The following R3HDM2 variants were observed in gnomAD, a reference collection of about 807,000 sequenced individuals.
R3HDM2 encodes R3H domain-containing protein 2.
Under a neutral mutation model 124.5 loss-of-function variants are expected in R3HDM2, and 38 were observed. That is an observed-to-expected ratio of 0.31 (90% CI 0.24 to 0.40). The LOEUF (loss-of-function observed/expected upper bound fraction) is 0.40. Ranked by LOEUF, R3HDM2 falls within the 10% of genes least tolerant of loss-of-function variation. R3HDM2 has a pLI of 1.00. For synonymous variants in R3HDM2, 391 were observed against 448.0 expected (o/e 0.87, Z 1.61); for missense variants, 869 against 1,236.9 (o/e 0.70, Z 4.46).
intron 2 of R3HDM2, among the ~76,000 whole-genome samples, chr12:57,333,478 T>G (rs1457886878): frequency 6.6e-6 from 1 of 151,746 alleles, no homozygotes; most frequent in Non-Finnish European, 1.5e-5. Flanking sequence ...TCACCTAATG[T>G]CAGGAGTTTG....
intron 3 of R3HDM2, 140 bp from the exon 4 acceptor site, chr12:57,303,357 G>A (rs1353099640): frequency 9.6e-6 from 7 of 726,946 alleles, no homozygotes; most frequent in Admixed American, 4.8e-5. Context: ...CACTTGATGT[G>A]GGTTTCTCCC....
chr12:57,269,210 C>A (rs866485204), intron 16 of R3HDM2, 113 bp downstream of exon 16: 1 of 1,545,574 alleles, frequency 6.5e-7, no homozygotes, highest in South Asian at 1.2e-5. Flanking sequence ...TCTTAGGACC[C>A]TAATCATTCC....
chr12:57,258,024 GA>G lies in R3HDM2; in HGVS notation c.2414del (p.Leu805ProfsTer50). Reference sequence around the variant, plus strand: ...GACCCCCAGGCCGGGGGAACTGTGTGAGGACAGGCAGGGGACTGAGTCCTGT... The same window carrying G: ...GACCCCCAGGCCGGGGGAACTGTGTGGGACAGGCAGGGGACTGAGTCCTGT... ...VCTGLSPLPV[L>X]TQFPRPGGPA... On this transcript the variant is annotated frameshift_variant, in exon 21 of 24. Coordinates refer to ENST00000402412, the MANE Select transcript of R3HDM2 (RefSeq NM_001394031.1). LOFTEE classifies it high-confidence loss of function. 1 of 1,587,056 alleles carries G rather than the reference GA, an allele frequency of 6.3e-7. No individual in the cohort carries two copies. Among genetic ancestry groups the G allele is most frequent in the Non-Finnish European group, 8.6e-7 (1 of 1,161,500 alleles).
intron 13 of R3HDM2, among the ~76,000 whole-genome samples, chr12:57,281,157 G>A (rs2046024632): frequency 1.3e-5 from 2 of 151,656 alleles, no homozygotes; most frequent in Admixed American, 1.3e-4. Flanking sequence ...CTTGAGGGTG[G>A]GCGCCTGTAA....
At chr12:57,386,269 C>G (rs535332874) in intron 2 of R3HDM2, among the ~76,000 whole-genome samples, 6 of 152,122 alleles carry the variant, frequency 3.9e-5, no homozygotes, top group Non-Finnish European at 7.4e-5. Context: ...CTGGGCTCGC[C>G]GAGGCGGGAG....
chr12:57,269,234 A>G, intron 16 of R3HDM2, 89 bp downstream of exon 16: 4 of 1,570,160 alleles, frequency 2.5e-6, no homozygotes, highest in Non-Finnish European at 3.5e-6. Flanking sequence ...CCCTAGACCC[A>G]CCTTCATTTT....
At chr12:57,314,278 G>A (rs757666162) in intron 2 of R3HDM2, among the ~76,000 whole-genome samples, 53 of 151,886 alleles carry the variant, frequency 3.5e-4, no homozygotes, top group Non-Finnish European at 2.5e-4. Context: ...TCAGGAGTTA[G>A]AGACCAGCCT....
intron 1 of R3HDM2, among the ~76,000 whole-genome samples, chr12:57,400,133 G>T (rs1200715754): frequency 6.6e-6 from 1 of 152,160 alleles, no homozygotes; most frequent in African/African-American, 2.4e-5. Flanking sequence ...ACATGGACAT[G>T]TATGTTTATT....
chr12:57,255,413 G>A (rs2038653331), intron 23 of R3HDM2, among the ~76,000 whole-genome samples: 1 of 152,198 alleles, frequency 6.6e-6, no homozygotes, highest in Non-Finnish European at 1.5e-5. Context: ...CTCACAAGGT[G>A]CTACTGCTAT....
chr12:57,318,283 C>T (rs2055615491), intron 2 of R3HDM2, among the ~76,000 whole-genome samples: 2 of 151,938 alleles, frequency 1.3e-5, no homozygotes, highest in South Asian at 4.1e-4. Flanking sequence ...AAAGGCAAGA[C>T]TCTGTCTCAA....
Position 57,254,308 on chromosome 12 carries a change from C to T in R3HDM2, c.*465G>A. The stretch of plus-strand genomic sequence containing the variant: ...CTGAGGTCAGGAGTTTGAGGCCAGC[C>T]TGGCCAACATGGTGAAACTCCGTCT... On this transcript the variant is annotated 3_prime_UTR_variant, in exon 24 of 24. Coordinates refer to ENST00000402412, the MANE Select transcript of R3HDM2 (RefSeq NM_001394031.1). 2.3e-6 allele frequency: 1 copy of T among 431,868 alleles called. No individual in the cohort carries two copies. The highest frequency in any genetic ancestry group is 4.5e-6 in the Non-Finnish European group (1 of 219,986). The allele number at this position is 431,868 out of a possible 1,614,324, so 26.8% of individuals were successfully genotyped here. A position where few individuals can be genotyped will look rare whatever the true frequency, so the allele number is the denominator to read the frequency against.
chr12:57,402,833 A>G (rs757416264), intron 1 of R3HDM2, among the ~76,000 whole-genome samples: 1 of 152,190 alleles, frequency 6.6e-6, no homozygotes, highest in Non-Finnish European at 1.5e-5. Context: ...CTGGGATTAC[A>G]GACATAAGCT....
chr12:57,301,998 T>C (rs763748989), intron 4 of R3HDM2, among the ~76,000 whole-genome samples: 1 of 152,214 alleles, frequency 6.6e-6, no homozygotes, highest in Non-Finnish European at 1.5e-5. Context: ...AGCATTAGGT[T>C]AGCTGAGTGC....
intron 1 of R3HDM2, chr12:57,415,179 T>C (rs987350952): frequency 6.6e-6 from 1 of 152,152 alleles, no homozygotes; most frequent in Non-Finnish European, 1.5e-5. Flanking sequence ...CTATCAAATC[T>C]ATAGTTATCC....
chr12:57,275,979 A>G lies in R3HDM2; in HGVS notation c.1344+4379T>C, dbSNP rs2044601914. On this transcript the variant is annotated intron_variant, in intron 14 of 23. Coordinates refer to ENST00000402412, the MANE Select transcript of R3HDM2 (RefSeq NM_001394031.1). Reference sequence around the variant, plus strand: ...ATGCCTGTAATCCCAGCACTTTGGGAGGCCAAGGCGGGCGGATCATGAGGT... The same window carrying G: ...ATGCCTGTAATCCCAGCACTTTGGGGGGCCAAGGCGGGCGGATCATGAGGT... Among the ~76,000 whole-genome samples, 3 of 152,188 alleles carry G rather than the reference A, an allele frequency of 2.0e-5. No homozygotes were observed. The South Asian group carries it at 6.2e-4, about 31-fold the overall frequency.
intron 1 of R3HDM2, among the ~76,000 whole-genome samples, chr12:57,408,627 T>C (rs2068738165): frequency 6.6e-6 from 1 of 152,064 alleles, no homozygotes. Context: ...ACAAAATTAA[T>C]CATGAGCAGA....
chr12:57,354,941 C>T (rs975913157), intron 2 of R3HDM2, among the ~76,000 whole-genome samples: 5 of 151,962 alleles, frequency 3.3e-5, no homozygotes, highest in Non-Finnish European at 5.9e-5. Flanking sequence ...TCTCCCACCT[C>T]AGCCTCCTGA....
chr12:57,276,641 A>G (rs1381964898), intron 14 of R3HDM2, among the ~76,000 whole-genome samples: 1 of 152,236 alleles, frequency 6.6e-6, no homozygotes, highest in Non-Finnish European at 1.5e-5. Context: ...TAATCCCAGC[A>G]CTTTGGGAGG....
chr12:57,333,027 C>T (rs1012983217), intron 2 of R3HDM2, among the ~76,000 whole-genome samples: 3 of 152,144 alleles, frequency 2.0e-5, no homozygotes, highest in East Asian at 1.9e-4. Flanking sequence ...AGAAGGGAAA[C>T]GCAAAACTCT....
Sources: gnomAD v4.1 joint callset for allele counts (sites outside exome capture counted in the v4.1 genomes callset) on GRCh38, gnomAD v4.1.1 for gene constraint, MANE v1.5 for transcripts, NCBI Gene and HGNC (gene_info 2026-07-23, HGNC 2026-07-21) for gene names.